LRTM1: variants seen among roughly 807,000 people sequenced by gnomAD.
LRTM1 encodes leucine-rich repeat and transmembrane domain-containing protein 1.
A neutral mutation model predicts 32.4 loss-of-function variants in LRTM1; 38 were observed. That is an observed-to-expected ratio of 1.17 (90% CI 0.91 to 1.54). The LOEUF is 1.54. LRTM1 is among the 40% of genes most tolerant of loss of function. LRTM1 has a pLI of 0.00. For synonymous variants in LRTM1, 186 were observed against 169.9 expected (o/e 1.09, Z -0.74); for missense variants, 466 against 415.4 (o/e 1.12, Z -1.06).
At chr3:54,924,271 G>T (rs1436006756) in intron 2 of LRTM1, among the ~76,000 whole-genome samples, 1 of 152,170 alleles carries the variant, frequency 6.6e-6, no homozygotes, top group Non-Finnish European at 1.5e-5. Context: ...GATCAGACTT[G>T]ATAATAAGAG....
chr3:54,944,056 A>G (rs1037337110), intron 1 of LRTM1, among the ~76,000 whole-genome samples: 2 of 152,138 alleles, frequency 1.3e-5, no homozygotes, highest in Non-Finnish European at 1.5e-5. Context: ...TTTTGAAGGC[A>G]TTGCTCCATT....
chr3:54,955,425 A>G (rs1338170466), intron 1 of LRTM1, among the ~76,000 whole-genome samples: 4 of 152,120 alleles, frequency 2.6e-5, no homozygotes, highest in Non-Finnish European at 5.9e-5. Flanking sequence ...TTTCTAGGGC[A>G]GGGGTTTAAG....
chr3:54,937,953 C>T (rs371814887), intron 1 of LRTM1, among the ~76,000 whole-genome samples: 223 of 152,344 alleles, frequency 1.5e-3, no homozygotes, highest in Middle Eastern at 6.8e-3. Context: ...CATTGGTTTT[C>T]ACCATCTGAC....
intron 1 of LRTM1, among the ~76,000 whole-genome samples, chr3:54,950,936 G>A (rs934580296): frequency 6.6e-6 from 1 of 152,220 alleles, no homozygotes; most frequent in East Asian, 1.9e-4. Flanking sequence ...TCTGGGCTCA[G>A]TGGCAGAGGG....
chr3:54,918,995 C>CT (rs3832225), intron 2 of LRTM1, 103 bp from the exon 3 acceptor site: 3,727 of 703,864 alleles, frequency 5.3e-3, no homozygotes, highest in Non-Finnish European at 6.7e-3. Context: ...TATGAAGTAC[C>CT]TTTTTTTTTT....
At chr3:54,919,018 G>T in intron 2 of LRTM1, 126 bp from the exon 3 acceptor site, 1 of 733,782 alleles carries the variant, frequency 1.4e-6, no homozygotes, top group Non-Finnish European at 2.0e-6. Context: ...AAATCCTGGA[G>T]TCAAAGAATT....
Position 54,927,941 on chromosome 3 carries a change from C to A in LRTM1, c.-30G>T. 1 of 1,611,680 alleles carries A rather than the reference C, an allele frequency of 6.2e-7. No homozygotes were observed. Among genetic ancestry groups the A allele is most frequent in the Non-Finnish European group, 8.5e-7 (1 of 1,177,882 alleles). The stretch of plus-strand genomic sequence containing the variant: ...GAGTCTCCTTGGGCGTCCTTGCTGA[C>A]CTCGTAGACCCTTTAATTAATGTGC... On this transcript the variant is annotated 5_prime_UTR_variant, in exon 1 of 3. Coordinates refer to ENST00000273286, the MANE Select transcript of LRTM1 (RefSeq NM_020678.4).
chr3:54,944,814 GGTGTGT>G (rs34193625), intron 1 of LRTM1, among the ~76,000 whole-genome samples: 2,759 of 111,406 alleles, frequency 0.025, 44 homozygotes, highest in Middle Eastern at 0.068. Flanking sequence ...TAGAGCTGGG[GGTGTGT>G]GTGTGTGTGT....
In LRTM1 at chr3:54,925,190, C is replaced by T; in HGVS notation, c.33G>A (p.Val11=). ...TGCATACCACCTGGAGCAGGACAATCACACTGGAAAACAGGAGCAGTTCAC... is the reference window on the plus strand; with the variant it reads ...TGCATACCACCTGGAGCAGGACAATTACACTGGAAAACAGGAGCAGTTCAC... MKGELLLFSS[V]IVLLQVVCSC... is the part of the protein sequence containing the mutation. The change falls in exon 2 of 3, where the codon GTG becomes GTA. Residue 11 remains valine, a synonymous_variant. Transcript: ENST00000273286. 2 of 1,612,988 alleles carry T rather than the reference C, an allele frequency of 1.2e-6. No individual in the cohort carries two copies. Among genetic ancestry groups the T allele is most frequent in the South Asian group, 1.1e-5 (1 of 91,022 alleles).
rs574522019 is a variant in LRTM1, at chr3:54,933,867, C to T, written c.-221-8652G>A. Among the ~76,000 whole-genome samples, 4 of 151,778 alleles carry T rather than the reference C, an allele frequency of 2.6e-5. No homozygotes were observed. In the East Asian group the frequency reaches 7.8e-4, roughly 30 times the overall value. On this transcript the variant is annotated intron_variant, in intron 1 of 2. Transcript: ENST00000493075. ...TACTGCAACCTCCACCTCCCAGGTT[C>T]AAGCAATTCTCCTGCCTCAGCCTCC...
intron 1 of LRTM1, among the ~76,000 whole-genome samples, chr3:54,955,734 C>CT (rs945237447): frequency 1.3e-5 from 2 of 151,996 alleles, no homozygotes; most frequent in South Asian, 2.1e-4. Context: ...ACCGAGGGGG[C>CT]TTTTTTGGGT....
At chr3:54,960,349 C>T (rs1702001541) in intron 1 of LRTM1, among the ~76,000 whole-genome samples, 1 of 152,150 alleles carries the variant, frequency 6.6e-6, no homozygotes, top group African/African-American at 2.4e-5. Flanking sequence ...ACCAACCCCC[C>T]ATACCACAGG....
chr3:54,927,572 T>G (rs1043106348), intron 1 of LRTM1, among the ~76,000 whole-genome samples: 2 of 152,168 alleles, frequency 1.3e-5, no homozygotes, highest in African/African-American at 4.8e-5. Context: ...TCTCTGAGAT[T>G]GTAGCCAATT....
upstream of LRTM1, among the ~76,000 whole-genome samples, chr3:54,932,160 C>CAGAGTGAG (rs1366850374): frequency 6.6e-6 from 1 of 152,062 alleles, no homozygotes; most frequent in Non-Finnish European, 1.5e-5. Context: ...GCCTGGGCAA[C>CAGAGTGAG]AGAGTGAGAC....
intron 1 of LRTM1, among the ~76,000 whole-genome samples, chr3:54,941,497 T>C (rs1003820985): frequency 6.6e-6 from 1 of 152,168 alleles, no homozygotes; most frequent in Non-Finnish European, 1.5e-5. Flanking sequence ...CTCCATTCAT[T>C]GTTCATCGTT....
chr3:54,920,248 T>C (rs562537676), intron 2 of LRTM1, among the ~76,000 whole-genome samples: 8 of 152,328 alleles, frequency 5.3e-5, no homozygotes, highest in African/African-American at 1.9e-4. Context: ...ATTTACTCTC[T>C]CTAAGCTTAC....
intron 1 of LRTM1, among the ~76,000 whole-genome samples, chr3:54,959,062 C>G (rs1176232162): frequency 6.6e-6 from 1 of 152,110 alleles, no homozygotes; most frequent in Non-Finnish European, 1.5e-5. Context: ...GATCGCGCCA[C>G]TGCACTCCAG....
intron 1 of LRTM1, among the ~76,000 whole-genome samples, chr3:54,933,104 CCTTCCTTCCTT>C (rs1701242992): frequency 7.2e-6 from 1 of 139,514 alleles, no homozygotes; most frequent in Admixed American, 7.1e-5. Flanking sequence ...TTCCTTCCTT[CCTTCCTTCCTT>C]CTTTCTGGAC....
chr3:54,944,104 T>C (rs1009080647), intron 1 of LRTM1, among the ~76,000 whole-genome samples: 1 of 152,192 alleles, frequency 6.6e-6, no homozygotes, highest in African/African-American at 2.4e-5. Context: ...AAGTCTGATA[T>C]CATACCATTT....
Sources: gnomAD v4.1 joint callset for allele counts (sites outside exome capture counted in the v4.1 genomes callset) on GRCh38, gnomAD v4.1.1 for gene constraint, MANE v1.5 for transcripts, NCBI Gene and HGNC (gene_info 2026-07-23, HGNC 2026-07-21) for gene names.